The following WWP2 variants were observed in gnomAD, a reference collection of about 807,000 sequenced individuals.
WWP2 encodes the protein WW domain containing E3 ubiquitin protein ligase 2.
WWP2 carries 57 observed loss-of-function variants against 121.0 expected under a neutral mutation model. The ratio of observed to expected loss-of-function variants is 0.47; its 90% CI spans 0.38 to 0.59. WWP2 has a LOEUF of 0.59. Ranked by LOEUF, WWP2 falls within the 20% of genes least tolerant of loss-of-function variation. The pLI is 0.00. For synonymous variants in WWP2, 449 were observed against 441.3 expected (o/e 1.02, Z -0.22); for missense variants, 962 against 1,158.9 (o/e 0.83, Z 2.47).
Position 69,937,271 on chromosome 16 carries a change from C to T in WWP2, c.2238+33C>T. 6.2e-7 allele frequency: 1 copy of T among 1,610,768 alleles called. No individual in the cohort carries two copies. The highest frequency in any genetic ancestry group is 8.5e-7 in the Non-Finnish European group (1 of 1,178,768). On this transcript the variant is annotated intron_variant, in intron 20 of 23. Transcript: ENST00000359154. This position sits in a 1 kb window ranked among gnomAD's most constrained non-coding sequence, Gnocchi z 6.6. ...TCTGAGGTTGCTGGGACCCTGAGCC[C>T]CTGCCTCTGGGGCGATCCTGCTCTG...
intron 7 of WWP2, among the ~76,000 whole-genome samples, chr16:69,887,734 C>A (rs532627747): frequency 6.6e-6 from 1 of 152,176 alleles, no homozygotes; most frequent in South Asian, 2.1e-4. Context: ...GTTGATCTTT[C>A]CTGCTACTCT....
chr16:69,820,860 C>A (rs576416702), intron 4 of WWP2, among the ~76,000 whole-genome samples: 2 of 146,274 alleles, frequency 1.4e-5, no homozygotes, highest in South Asian at 4.2e-4. Flanking sequence ...ACACACACGA[C>A]GTTGAAAGAG....
chr16:69,796,578 T>A (rs2056051886), intron 2 of WWP2, among the ~76,000 whole-genome samples: 1 of 152,208 alleles, frequency 6.6e-6, no homozygotes, highest in Admixed American at 6.5e-5. Context: ...AAAATACAGT[T>A]TTTACTGAAT....
intron 4 of WWP2, among the ~76,000 whole-genome samples, 158 bp from the exon 5 acceptor site, chr16:69,839,968 C>A (rs965553024): frequency 6.6e-6 from 1 of 152,258 alleles, no homozygotes; most frequent in African/African-American, 2.4e-5. Flanking sequence ...CATATTCCTT[C>A]CCACTCTTTT....
chr16:69,841,545 T>C (rs1179499045), intron 5 of WWP2, among the ~76,000 whole-genome samples: 8 of 151,982 alleles, frequency 5.3e-5, no homozygotes, highest in Admixed American at 3.9e-4. Context: ...CTTGAAACAT[T>C]TGGTAGGGAT....
intron 8 of WWP2, among the ~76,000 whole-genome samples, chr16:69,906,073 T>A (rs539178272): frequency 2.9e-4 from 44 of 151,902 alleles, no homozygotes; most frequent in Admixed American, 6.6e-4. Flanking sequence ...CCTTTTCTTT[T>A]CTTTCTTTTT....
intron 10 of WWP2, among the ~76,000 whole-genome samples, chr16:69,919,219 G>T (rs1317810968): frequency 1.3e-5 from 2 of 152,264 alleles, no homozygotes; most frequent in Non-Finnish European, 2.9e-5. Flanking sequence ...AAGCTGGAGT[G>T]CAATGGCATG....
chr16:69,888,764 G>T (rs971645573), intron 8 of WWP2, among the ~76,000 whole-genome samples: 1 of 151,830 alleles, frequency 6.6e-6, no homozygotes, highest in African/African-American at 2.4e-5. Flanking sequence ...GAGTGCAATG[G>T]CACGATCTCA....
At chr16:69,845,974 T>C (rs753203946) in intron 6 of WWP2, among the ~76,000 whole-genome samples, 3 of 130,814 alleles carry the variant, frequency 2.3e-5, no homozygotes, top group Non-Finnish European at 3.1e-5. Context: ...TGCCTGAACC[T>C]GGGAGGCGGA....
intron 2 of WWP2, among the ~76,000 whole-genome samples, chr16:69,793,976 T>C (rs1247198062): frequency 6.7e-6 from 1 of 148,992 alleles, no homozygotes; most frequent in Non-Finnish European, 1.5e-5. Context: ...TGGAGTGCGT[T>C]GGACAATCTC....
At chr16:69,889,089 G>A (rs1214632510) in intron 8 of WWP2, among the ~76,000 whole-genome samples, 1 of 152,144 alleles carries the variant, frequency 6.6e-6, no homozygotes, top group Non-Finnish European at 1.5e-5. Flanking sequence ...TGGGGTGGGA[G>A]GATCACTTGA....
At chr16:69,839,795 G>T (rs576324233) in intron 4 of WWP2, among the ~76,000 whole-genome samples, 2 of 152,118 alleles carry the variant, frequency 1.3e-5, no homozygotes, top group African/African-American at 2.4e-5. Flanking sequence ...TAATTTCTTC[G>T]TCTGTACGCC....
Position 69,925,217 on chromosome 16 carries a change from C to T in WWP2, c.1180-213C>T, listed in dbSNP as rs1261785330. ...CCAAAACTCACTTGGGCCCTCCGTGCGCAGGGTTCTTTTTTGGTTTTTCTG... is the reference window on the plus strand; with the variant it reads ...CCAAAACTCACTTGGGCCCTCCGTGTGCAGGGTTCTTTTTTGGTTTTTCTG... On this transcript the variant is annotated intron_variant, in intron 10 of 23. Transcript: ENST00000359154. The surrounding 1 kb of genome is among the most constrained non-coding windows in gnomAD (Gnocchi z 4.0). 3.2e-5 allele frequency: 46 copies of T among 1,419,426 alleles called. No individual in the cohort carries two copies. Among genetic ancestry groups the T allele is most frequent in the Non-Finnish European group, 4.0e-5 (43 of 1,087,568 alleles). The allele number at this position is 1,419,426 out of a possible 1,614,324, so 87.9% of individuals were successfully genotyped here.
intron 6 of WWP2, among the ~76,000 whole-genome samples, chr16:69,857,357 T>C (rs2057336361): frequency 1.3e-5 from 2 of 152,164 alleles, no homozygotes; most frequent in South Asian, 2.1e-4. Context: ...CCTCCCAAAG[T>C]GCTGGGATTA....
chr16:69,781,754 T>C (rs1229647974), intron 1 of WWP2, among the ~76,000 whole-genome samples: 1 of 152,152 alleles, frequency 6.6e-6, no homozygotes, highest in Non-Finnish European at 1.5e-5. Flanking sequence ...AGATTTATTC[T>C]TTGTATTTGA....
chr16:69,810,840 C>T (rs1054261994), intron 4 of WWP2, among the ~76,000 whole-genome samples: 5 of 151,824 alleles, frequency 3.3e-5, no homozygotes, highest in South Asian at 2.1e-4. Flanking sequence ...CTGCAACCTC[C>T]GCCTCCCAGG....
chr16:69,795,291 C>T (rs1372762083), intron 2 of WWP2, among the ~76,000 whole-genome samples: 1 of 151,404 alleles, frequency 6.6e-6, no homozygotes, highest in African/African-American at 2.4e-5. Flanking sequence ...CACACACACA[C>T]ACATACACAG....
intron 1 of WWP2, among the ~76,000 whole-genome samples, chr16:69,780,889 G>C (rs1230631382): frequency 1.3e-5 from 2 of 152,102 alleles, no homozygotes; most frequent in Admixed American, 1.3e-4. Flanking sequence ...TCAGCTGGAT[G>C]TGGTGGCAAA....
At chr16:69,789,619 C>A (rs1304846259) in intron 2 of WWP2, among the ~76,000 whole-genome samples, 1 of 152,162 alleles carries the variant, frequency 6.6e-6, no homozygotes, top group Non-Finnish European at 1.5e-5. Context: ...CCAAGATACA[C>A]CAAAAGGGAT....
Sources: gnomAD v4.1 joint callset for allele counts (sites outside exome capture counted in the v4.1 genomes callset) on GRCh38, gnomAD v4.1.1 for gene constraint, Gnocchi (gnomAD v3.1) non-coding constraint, MANE v1.5 for transcripts, NCBI Gene and HGNC (gene_info 2026-07-23, HGNC 2026-07-21) for gene names.